RGS6: variants seen among roughly 807,000 people sequenced by gnomAD.
RGS6 encodes the protein regulator of G-protein signaling 6.
RGS6 carries 30 observed loss-of-function variants against 78.5 expected under a neutral mutation model. That is an observed-to-expected ratio of 0.38 (90% CI 0.29 to 0.52). The LOEUF (loss-of-function observed/expected upper bound fraction) is 0.52. RGS6 is among the 20% of genes least tolerant of loss of function. The pLI, the probability that RGS6 is intolerant of heterozygous loss-of-function variation, is 0.85. For synonymous variants in RGS6, 206 were observed against 206.0 expected, an observed-to-expected ratio of 1.00 and a Z score of 0.00; for missense variants, 495 against 609.7, an observed-to-expected ratio of 0.81 and a Z score of 1.98.
intron 2 of RGS6, among the ~76,000 whole-genome samples, chr14:72,130,383 A>G (rs2096288883): frequency 6.6e-6 from 1 of 152,104 alleles, no homozygotes; most frequent in Non-Finnish European, 1.5e-5. Flanking sequence ...GGTTAACTCA[A>G]TCTCCAGTCC....
intron 2 of RGS6, among the ~76,000 whole-genome samples, chr14:72,206,481 TCACA>T (rs1302735102): frequency 6.6e-6 from 1 of 151,840 alleles, no homozygotes; most frequent in Non-Finnish European, 1.5e-5. Context: ...TGTGTGTGTG[TCACA>T]CACACACAGC....
intron 2 of RGS6, among the ~76,000 whole-genome samples, chr14:72,256,451 C>G (rs972368272): frequency 6.6e-6 from 1 of 152,130 alleles, no homozygotes; most frequent in Non-Finnish European, 1.5e-5. Flanking sequence ...ATCATGTGAC[C>G]TCTGGCTAGA....
chr14:72,093,060 GTA>G (rs986414719), intron 2 of RGS6, among the ~76,000 whole-genome samples: 3 of 134,236 alleles, frequency 2.2e-5, no homozygotes, highest in African/African-American at 8.2e-5. Context: ...GTGTGTGTGT[GTA>G]TAAAGAATAC....
intron 2 of RGS6, among the ~76,000 whole-genome samples, chr14:72,302,559 A>G (rs943583354): frequency 2.0e-5 from 3 of 152,112 alleles, no homozygotes; most frequent in Admixed American, 2.0e-4. Flanking sequence ...CAAAACTCAT[A>G]TCTCCTCTGA....
chr14:72,389,861 T>G (rs2089450763), intron 3 of RGS6, among the ~76,000 whole-genome samples: 1 of 152,228 alleles, frequency 6.6e-6, no homozygotes, highest in Non-Finnish European at 1.5e-5. Context: ...TATAAAAATC[T>G]TGGAGTTATG....
chr14:72,533,761 G>T (rs2097211223), intron 15 of RGS6, among the ~76,000 whole-genome samples: 1 of 152,200 alleles, frequency 6.6e-6, no homozygotes, highest in Non-Finnish European at 1.5e-5. Flanking sequence ...AAGAGAACTA[G>T]AATTAGAAAT....
the RGS6 span, among the ~76,000 whole-genome samples, chr14:72,600,012 C>T: frequency 1.3e-5 from 2 of 152,124 alleles, no homozygotes; most frequent in Non-Finnish European, 1.5e-5. Context: ...CCTGCCCCTC[C>T]GGTGGGCCCT....
chr14:71,892,153 A>G, the RGS6 span, among the ~76,000 whole-genome samples: 1 of 152,150 alleles, frequency 6.6e-6, no homozygotes, highest in Non-Finnish European at 1.5e-5. Context: ...CAAACAATAC[A>G]ATGAAATTCC....
chr14:72,290,966 G>T (rs751297528), intron 2 of RGS6, among the ~76,000 whole-genome samples: 2 of 152,094 alleles, frequency 1.3e-5, no homozygotes, highest in Admixed American at 1.3e-4. Context: ...GGAAGAACAG[G>T]TGGAGTGAGT....
At chr14:71,969,396 A>G (rs1330044410) in intron 2 of RGS6, among the ~76,000 whole-genome samples, 1 of 152,142 alleles carries the variant, frequency 6.6e-6, no homozygotes, top group African/African-American at 2.4e-5. Context: ...CCTCTTGACA[A>G]AGTTCTCCTA....
intron 2 of RGS6, among the ~76,000 whole-genome samples, chr14:72,171,665 C>T (rs2097021386): frequency 6.6e-6 from 1 of 152,192 alleles, no homozygotes; most frequent in African/African-American, 2.4e-5. Context: ...TATCATGAAA[C>T]TTCATAACCC....
intron 3 of RGS6, among the ~76,000 whole-genome samples, chr14:72,432,932 C>G (rs556173846): frequency 3.3e-5 from 5 of 152,170 alleles, no homozygotes; most frequent in Admixed American, 6.5e-5. Flanking sequence ...GTGTCACACA[C>G]CATTCTAATG....
chr14:72,237,499 A>C (rs1420704160), intron 2 of RGS6, among the ~76,000 whole-genome samples: 29 of 152,182 alleles, frequency 1.9e-4, no homozygotes, highest in Admixed American at 1.9e-3. Context: ...ATCTGTTCTC[A>C]GATGAGCTTC....
At chr14:72,614,948 TC>T in the RGS6 span, among the ~76,000 whole-genome samples, 1 of 138,220 alleles carries the variant, frequency 7.2e-6, no homozygotes, top group African/African-American at 2.7e-5. Context: ...CCTGTCTTTC[TC>T]CCTCCCCAGG....
intron 3 of RGS6, among the ~76,000 whole-genome samples, chr14:72,438,840 A>G (rs546145914): frequency 2.9e-4 from 44 of 152,276 alleles, no homozygotes; most frequent in African/African-American, 1.0e-3. Context: ...AGGACTTTCT[A>G]TTTCTTTTAA....
At chr14:72,073,183 C>T (rs2094466129) in intron 2 of RGS6, among the ~76,000 whole-genome samples, 1 of 152,170 alleles carries the variant, frequency 6.6e-6, no homozygotes, top group Admixed American at 6.5e-5. Flanking sequence ...ATACTGTCTG[C>T]ATCTCAGAGC....
At chr14:72,137,636 A>G (rs1455548077) in intron 2 of RGS6, among the ~76,000 whole-genome samples, 1 of 152,242 alleles carries the variant, frequency 6.6e-6, no homozygotes, top group African/African-American at 2.4e-5. Context: ...TTTATCACAA[A>G]GGATTTTTTA....
chr14:72,237,054 C>G (rs914063293), intron 2 of RGS6, among the ~76,000 whole-genome samples: 2 of 152,166 alleles, frequency 1.3e-5, no homozygotes, highest in Admixed American at 6.5e-5. Flanking sequence ...GAACTGTATA[C>G]AGTTCTAGAA....
intron 15 of RGS6, among the ~76,000 whole-genome samples, chr14:72,529,045 C>T (rs537833265): frequency 2.0e-5 from 3 of 152,218 alleles, no homozygotes; most frequent in Non-Finnish European, 2.9e-5. Context: ...TGTTCACCCA[C>T]CCCCGTTTAC....
Sources: gnomAD v4.1 joint callset for allele counts (sites outside exome capture counted in the v4.1 genomes callset) on GRCh38, gnomAD v4.1.1 for gene constraint, MANE v1.5 for transcripts, NCBI Gene and HGNC (gene_info 2026-07-23, HGNC 2026-07-21) for gene names.